MBD5: variants seen among roughly 807,000 people sequenced by gnomAD.
The protein encoded by MBD5 is methyl-CpG binding domain protein 5.
MBD5 carries 13 observed loss-of-function variants against 117.3 expected under a neutral mutation model. The observed-to-expected ratio is 0.11, with a 90% CI of 0.07 to 0.18. MBD5 has a LOEUF of 0.18. MBD5 is among the 10% of genes least tolerant of loss of function. The pLI, the probability that MBD5 is intolerant of heterozygous loss-of-function variation, is 1.00. For synonymous variants in MBD5, 727 were observed against 766.4 expected, an observed-to-expected ratio of 0.95 and a Z score of 0.85; for missense variants, 1,879 against 2,093.8, an observed-to-expected ratio of 0.90 and a Z score of 2.00.
intron 4 of MBD5, among the ~76,000 whole-genome samples, chr2:148,403,621 A>C (rs550078138): frequency 2.0e-5 from 3 of 152,242 alleles, no homozygotes; most frequent in African/African-American, 7.2e-5. Context: ...GAGAAATCCT[A>C]TGTGCCTTCT....
intron 1 of MBD5, among the ~76,000 whole-genome samples, chr2:148,039,716 GTC>G (rs1249626764): frequency 2.0e-5 from 3 of 152,060 alleles, no homozygotes; most frequent in Non-Finnish European, 4.4e-5. Context: ...AATTTATAGA[GTC>G]TATATGAAAA....
chr2:148,283,237 A>C (rs1701292730), intron 3 of MBD5, among the ~76,000 whole-genome samples: 2 of 152,130 alleles, frequency 1.3e-5, no homozygotes, highest in Admixed American at 6.5e-5. Context: ...GCTTCCTTCC[A>C]TATTTACATA....
intron 3 of MBD5, among the ~76,000 whole-genome samples, chr2:148,331,373 T>C (rs1702650479): frequency 1.3e-5 from 1 of 78,264 alleles, no homozygotes; most frequent in African/African-American, 5.2e-5. Flanking sequence ...CATTTTCCAT[T>C]TTTTTTTTTT....
At chr2:148,304,290 G>A (rs980986205) in intron 3 of MBD5, among the ~76,000 whole-genome samples, 5 of 152,006 alleles carry the variant, frequency 3.3e-5, no homozygotes, top group Non-Finnish European at 1.5e-5. Flanking sequence ...GGAAATGCAG[G>A]CACACAACAG....
intron 1 of MBD5, among the ~76,000 whole-genome samples, chr2:148,091,976 A>T (rs1156323392): frequency 6.6e-6 from 1 of 152,210 alleles, no homozygotes; most frequent in Non-Finnish European, 1.5e-5. Context: ...AGAAAGAAAC[A>T]GTCCCATCAA....
chr2:148,390,826 G>A (rs1704551398), intron 4 of MBD5, among the ~76,000 whole-genome samples: 1 of 152,208 alleles, frequency 6.6e-6, no homozygotes, highest in Middle Eastern at 3.4e-3. Flanking sequence ...CTCCCAAAGT[G>A]CTGGGAAATC....
chr2:148,142,474 A>C (rs1174822591), intron 1 of MBD5, among the ~76,000 whole-genome samples: 1 of 152,204 alleles, frequency 6.6e-6, no homozygotes, highest in African/African-American at 2.4e-5. Flanking sequence ...ATTACATAGA[A>C]TTCTATATCC....
rs1193543676 is a variant in MBD5 at position 148,489,664 on chromosome 2, A to G, written c.4032A>G (p.Thr1344=). 2 of 1,614,050 alleles carry G rather than the reference A, an allele frequency of 1.2e-6. No homozygotes were observed. The highest frequency in any genetic ancestry group is 1.7e-6 in the Non-Finnish European group (2 of 1,180,024). Reference sequence around the variant, plus strand: ...TCATCACCACTGCAGTCAACAGTACAACTCAGATCAGCCCCATTCCAGCTC... The same window carrying G: ...TCATCACCACTGCAGTCAACAGTACGACTCAGATCAGCCCCATTCCAGCTC... ...QVVITTAVNS[T]TQISPIPALS... The change falls in exon 11 of 14, where the codon ACA becomes ACG. Residue 1344 remains threonine (T), a synonymous_variant. Coordinates refer to ENST00000642680, the MANE Select transcript of MBD5 (RefSeq NM_001378120.1).
chr2:148,362,784 G>C (rs1476711610), intron 4 of MBD5, among the ~76,000 whole-genome samples: 1 of 152,304 alleles, frequency 6.6e-6, no homozygotes, highest in Admixed American at 6.5e-5. Flanking sequence ...AGATTCCAGA[G>C]GAAGGAATAG....
At chr2:148,428,581 C>T (rs1705884375) in intron 4 of MBD5, among the ~76,000 whole-genome samples, 1 of 152,148 alleles carries the variant, frequency 6.6e-6, no homozygotes, top group African/African-American at 2.4e-5. Context: ...ATCACACTAC[C>T]TGACTTCAAA....
At position 148,296,863 on chromosome 2, in the gene MBD5, A is replaced by ATTTTTTTTTTTTTTTTTTTTTT. The variant is rs1559010681; in HGVS notation, c.-679-45351_-679-45350insTTTTTTTTTTTTTTTTTTTTTT. 1.4e-3 allele frequency among the ~76,000 whole-genome samples: 52 copies of ATTTTTTTTTTTTTTTTTTTTTT among 37,712 alleles called. 14 individuals are homozygous for ATTTTTTTTTTTTTTTTTTTTTT. Among genetic ancestry groups the ATTTTTTTTTTTTTTTTTTTTTT allele is most frequent in the Non-Finnish European group, 2.3e-3 (43 of 18,966 alleles). The allele number at this position is 37,712 out of a possible 152,430, so 24.7% of individuals were successfully genotyped here. ...TAAGCATAGTTTGCTTTAGTTCTTC[A>ATTTTTTTTTTTTTTTTTTTTTT]ATTTTTTTTTTTTTTTTTTTTGGAG... On this transcript the variant is annotated intron_variant, in intron 3 of 13. Transcript: ENST00000642680.
intron 4 of MBD5, among the ~76,000 whole-genome samples, chr2:148,417,833 TTTTG>T (rs199860775): frequency 0.015 from 2,272 of 151,830 alleles, 38 homozygotes; most frequent in African/African-American, 0.049. Flanking sequence ...GGGGGGTGTT[TTTTG>T]TTTGTTTGTT....
chr2:148,138,570 G>A (rs1016911613), intron 1 of MBD5, among the ~76,000 whole-genome samples: 1 of 152,164 alleles, frequency 6.6e-6, no homozygotes, highest in Non-Finnish European at 1.5e-5. Context: ...GTTATTTATA[G>A]GAATCATTAT....
chr2:148,155,816 G>A (rs1308691667), intron 1 of MBD5, among the ~76,000 whole-genome samples: 1 of 152,186 alleles, frequency 6.6e-6, no homozygotes, highest in East Asian at 1.9e-4. Context: ...ATGACATAGA[G>A]CAGTGTAATA....
chr2:148,064,128 CTT>C (rs35256354), intron 1 of MBD5, among the ~76,000 whole-genome samples: 3 of 78,076 alleles, frequency 3.8e-5, no homozygotes, highest in Non-Finnish European at 3.0e-5. Context: ...TGTCTTTTTT[CTT>C]TTTTTTTTTT....
chr2:148,242,858 G>A (rs1700245528), intron 3 of MBD5, among the ~76,000 whole-genome samples: 3 of 152,310 alleles, frequency 2.0e-5, no homozygotes, highest in East Asian at 3.9e-4. Flanking sequence ...TATTTTGAAT[G>A]TGTGTATGTA....
rs2105307081 is a variant in MBD5 at position 148,516,873 on chromosome 2, T to G, written c.*3932T>G. On this transcript the variant is annotated 3_prime_UTR_variant, in exon 14 of 14. Transcript: ENST00000642680. ...ATGTAAATACAAAGTTGTCTATAAA[T>G]TGGAAAATTTGATGCCAGATGGCTT... 6.6e-6 allele frequency: 1 copy of G among 152,326 alleles called. No individual in the cohort carries two copies. The highest frequency in any genetic ancestry group is 2.4e-5 in the African/African-American group (1 of 41,570). The allele number at this position is 152,326 out of a possible 1,614,324, so 9.4% of individuals were successfully genotyped here.
intron 2 of MBD5, among the ~76,000 whole-genome samples, chr2:148,218,552 T>A (rs1404872828): frequency 6.6e-6 from 1 of 152,178 alleles, no homozygotes; most frequent in Non-Finnish European, 1.5e-5. Flanking sequence ...CTTAATGACA[T>A]GAGTACTTTC....
At chr2:148,184,210 A>G (rs149588310) in intron 2 of MBD5, among the ~76,000 whole-genome samples, 1,869 of 151,986 alleles carry the variant, frequency 0.012, 45 homozygotes, top group African/African-American at 0.043. Flanking sequence ...ATGGGGTTTC[A>G]CTGTGTTAGC....
Sources: allele counts gnomAD v4.1 joint callset (sites outside exome capture counted in the v4.1 genomes callset), GRCh38; gene constraint gnomAD v4.1.1; transcripts MANE v1.5; gene names NCBI Gene and HGNC (gene_info 2026-07-23, HGNC 2026-07-21).